Variants in IQSEC1 observed in about 807,000 individuals in gnomAD.
IQSEC1 encodes the protein IQ motif and Sec7 domain ArfGEF 1.
In IQSEC1, 31 loss-of-function variants were observed where a neutral mutation model predicts 91.0. The ratio of observed to expected loss-of-function variants is 0.34; its 90% confidence interval spans 0.26 to 0.46. The LOEUF (loss-of-function observed/expected upper bound fraction) is 0.46. IQSEC1 is among the 20% of genes least tolerant of loss of function. IQSEC1 has a pLI of 1.00. For synonymous variants in IQSEC1, 699 were observed against 662.6 expected (o/e 1.05, Z -0.84); for missense variants, 1,388 against 1,575.6 (o/e 0.88, Z 2.02).
chr3:12,947,236 T>A (rs1699241577), intron 1 of IQSEC1, among the ~76,000 whole-genome samples: 1 of 152,194 alleles, frequency 6.6e-6, no homozygotes, highest in Non-Finnish European at 1.5e-5. Context: ...CGTGATGAAG[T>A]ACACTCTCAT....
At chr3:12,971,120 A>G (rs184310600) in intron 1 of IQSEC1, among the ~76,000 whole-genome samples, 113 of 152,368 alleles carry the variant, frequency 7.4e-4, no homozygotes, top group African/African-American at 2.6e-3. Flanking sequence ...ATGACCTGCA[A>G]AACATACAAT....
chr3:13,108,175 C>T (rs967870629), intron 2 of IQSEC1, among the ~76,000 whole-genome samples: 1 of 152,224 alleles, frequency 6.6e-6, no homozygotes, highest in East Asian at 1.9e-4. Context: ...CCACTTTGTT[C>T]ACTGACCATT....
chr3:12,955,288 C>T (rs1699829791), intron 1 of IQSEC1, among the ~76,000 whole-genome samples: 1 of 152,250 alleles, frequency 6.6e-6, no homozygotes, highest in Non-Finnish European at 1.5e-5. Flanking sequence ...TGTGTTGCTT[C>T]AGCCCTGTGC....
rs566337330 is a variant in IQSEC1, at chr3:13,193,133, C to A, written c.273-29000G>T. On this transcript the variant is annotated intron_variant, in intron 1 of 15. Coordinates refer to the IQSEC1 transcript ENST00000648114. The surrounding 1 kb of genome is among the most constrained non-coding windows in gnomAD (Gnocchi z 4.2). ...AGTGTCTTTTCTCAGCCTTGTCCTA[C>A]GAGCACAGGATGCCCACCTGCCCGG... is the stretch of plus-strand genomic sequence containing the variant. 1.3e-5 allele frequency among the ~76,000 whole-genome samples: 2 copies of A among 152,228 alleles called. No homozygotes were observed. The highest frequency in any genetic ancestry group is 2.9e-5 in the Non-Finnish European group (2 of 68,042).
intron 1 of IQSEC1, among the ~76,000 whole-genome samples, chr3:13,191,269 TCA>T (rs1694025050): frequency 1.3e-5 from 2 of 152,308 alleles, no homozygotes; most frequent in Non-Finnish European, 1.5e-5. Context: ...GCCCGATTCC[TCA>T]CAGACTGCAA....
intron 2 of IQSEC1, among the ~76,000 whole-genome samples, chr3:13,119,984 AC>A (rs1706397621): frequency 1.3e-5 from 2 of 152,190 alleles, no homozygotes; most frequent in Non-Finnish European, 2.9e-5. Flanking sequence ...GAGGTGGGCC[AC>A]AGGGACCCAG....
intron 2 of IQSEC1, among the ~76,000 whole-genome samples, chr3:13,110,577 G>C (rs1706227290): frequency 2.6e-5 from 4 of 152,192 alleles, no homozygotes; most frequent in Admixed American, 2.0e-4. Context: ...AACAGAGCGA[G>C]ACTTCGTTTC....
At position 12,915,606 on chromosome 3, in the gene IQSEC1, C is replaced by T. The variant is rs1222458877; in HGVS notation, c.2148G>A (p.Val716=). The T allele has an allele frequency of 2.5e-6, 4 of 1,614,052 alleles. No individual in the cohort carries two copies. Among genetic ancestry groups the T allele is most frequent in the Non-Finnish European group, 3.4e-6 (4 of 1,179,954 alleles). ...GCCCATCACATACCGGCTTTTTCCC[C>T]ACAATGAGCTTCTCCACCTTCTGCA... ...SQVQKVEKLI[V]GKKPIGSLHP... is the part of the protein sequence containing the mutation. The change falls in exon 7 of 14, where the codon GTG becomes GTA. Residue 716 remains valine (V), a synonymous_variant. Transcript: ENST00000613206.
chr3:13,043,773 G>A (rs1316471933), intron 1 of IQSEC1, among the ~76,000 whole-genome samples: 1 of 152,216 alleles, frequency 6.6e-6, no homozygotes. Context: ...GTGTGTGAAA[G>A]GCTCTCAGAG....
intron 1 of IQSEC1, among the ~76,000 whole-genome samples, chr3:13,257,798 G>A (rs528864516): frequency 3.3e-5 from 5 of 152,300 alleles, no homozygotes; most frequent in East Asian, 1.9e-4. Context: ...CCTGCCACAC[G>A]GCCCAGCAAT....
intron 1 of IQSEC1, among the ~76,000 whole-genome samples, chr3:12,961,619 C>A (rs192841760): frequency 6.6e-6 from 1 of 152,324 alleles, no homozygotes; most frequent in East Asian, 1.9e-4. Context: ...TAACCCTGGT[C>A]CTGTCTGTGT....
chr3:13,116,649 T>G (rs1706340373), intron 2 of IQSEC1, among the ~76,000 whole-genome samples: 1 of 151,992 alleles, frequency 6.6e-6, no homozygotes, highest in African/African-American at 2.4e-5. Context: ...GCCTGTAATC[T>G]CAGCACTTCG....
At chr3:13,070,780 G>C (rs897706217) in intron 1 of IQSEC1, among the ~76,000 whole-genome samples, 16 of 152,200 alleles carry the variant, frequency 1.1e-4, no homozygotes, top group Non-Finnish European at 1.8e-4. Flanking sequence ...AAGACCCACA[G>C]AAAAGAAAGA....
At position 12,947,110 on chromosome 3, in the gene IQSEC1, G is replaced by A. The variant is rs996487734; in HGVS notation, c.24-5245C>T. 1.1e-4 allele frequency among the ~76,000 whole-genome samples: 17 copies of A among 152,222 alleles called. 1 individual carries two copies. The highest frequency in any genetic ancestry group is 3.1e-4 in the African/African-American group (13 of 41,456). On this transcript the variant is annotated intron_variant, in intron 1 of 13. Transcript: ENST00000613206. ...TATCAAGAGCTGGGGCTGTGCAGCC[G>A]GGAGGAAAGCAGCCTCGGGGAGATG...
intron 1 of IQSEC1, among the ~76,000 whole-genome samples, chr3:13,016,155 AC>A (rs1703121152): frequency 6.6e-6 from 1 of 152,150 alleles, no homozygotes; most frequent in African/African-American, 2.4e-5. Flanking sequence ...AGGGCCCCCC[AC>A]ATCCCCCACA....
intron 1 of IQSEC1, among the ~76,000 whole-genome samples, chr3:13,269,722 G>A (rs1269049643): frequency 6.6e-6 from 1 of 152,228 alleles, no homozygotes; most frequent in East Asian, 1.9e-4. Context: ...CCCACCTGTG[G>A]GCAGGCCACT....
At chr3:13,222,359 C>T (rs1438759287) in intron 1 of IQSEC1, among the ~76,000 whole-genome samples, 1 of 152,190 alleles carries the variant, frequency 6.6e-6, no homozygotes, top group Non-Finnish European at 1.5e-5. Flanking sequence ...GGACAGACCA[C>T]GTTCATCTGT....
At chr3:13,163,226 G>C (rs1482746694) in intron 2 of IQSEC1, among the ~76,000 whole-genome samples, 1 of 152,068 alleles carries the variant, frequency 6.6e-6, no homozygotes, top group Non-Finnish European at 1.5e-5. Flanking sequence ...TGTTCTGCAG[G>C]CACCTGGAGG....
chr3:12,929,969 ACTGCACCAGTCACTTC>A (rs2125257092), intron 3 of IQSEC1, among the ~76,000 whole-genome samples: 1 of 152,296 alleles, frequency 6.6e-6, no homozygotes, highest in African/African-American at 2.4e-5. Context: ...GTAAGCACAG[ACTGCACCAGTCACTTC>A]CTGCACACGC....
Sources: gnomAD v4.1 joint callset for allele counts (sites outside exome capture counted in the v4.1 genomes callset) on GRCh38, gnomAD v4.1.1 for gene constraint, Gnocchi (gnomAD v3.1) non-coding constraint, MANE v1.5 for transcripts, NCBI Gene and HGNC (gene_info 2026-07-23, HGNC 2026-07-21) for gene names.